HECW1: variants seen among roughly 807,000 people sequenced by gnomAD.
HECW1 encodes the protein HECT, C2 and WW domain containing E3 ubiquitin protein ligase 1, also known as E3 ubiquitin-protein ligase HECW1.
Under a neutral mutation model 182.3 loss-of-function variants are expected in HECW1, and 61 were observed. The ratio of observed to expected loss-of-function variants is 0.33; its 90% CI spans 0.27 to 0.41. The LOEUF is 0.41. Among genes scored for constraint, HECW1 ranks in the 10% least tolerant of loss-of-function variants. The pLI, the probability that HECW1 is intolerant of heterozygous loss-of-function variation, is 1.00. For synonymous variants in HECW1, 859 were observed against 832.6 expected (o/e 1.03, Z -0.55); for missense variants, 1,739 against 2,108.9 (o/e 0.82, Z 3.44).
At chr7:43,507,925 G>A (rs2079656428) in intron 22 of HECW1, 93 bp from the exon 23 acceptor site, 1 of 798,584 alleles carries the variant, frequency 1.3e-6, no homozygotes, top group Non-Finnish European at 2.1e-6. Context: ...AGGCTGGGGA[G>A]TGAGAACCTA....
rs1384987656 is a variant in HECW1, at chr7:43,138,571, GCA to G, written c.-32+24183_-32+24184del. 1.1e-4 allele frequency among the ~76,000 whole-genome samples: 16 copies of G among 152,248 alleles called. No homozygotes were observed. The East Asian group carries it at 2.9e-3, about 28-fold the overall frequency. On this transcript the variant is annotated intron_variant, in intron 2 of 29. Transcript: ENST00000395891. ...TTTCTGTCTGGATATGTACTTGTCT[GCA>G]CAGTCTATTTACCACCCCTATAGAA...
Position 43,470,909 on chromosome 7 carries a change from A to T in HECW1, c.3099+1804A>T, listed in dbSNP as rs556361190. 2.0e-5 allele frequency among the ~76,000 whole-genome samples: 3 copies of T among 152,332 alleles called. No individual in the cohort carries two copies. The East Asian group carries it at 5.8e-4, about 29-fold the overall frequency. On this transcript the variant is annotated intron_variant, in intron 16 of 29. Transcript: ENST00000395891. The stretch of plus-strand genomic sequence containing the variant: ...ACCACAGTCCATAGGGTGGTCAGAG[A>T]GGAACAAAGGAGGATAGTGGGAAAA...
chr7:43,248,691 TCCTTTTCC>T (rs1562731781), intron 3 of HECW1: 1 of 77,904 alleles, frequency 1.3e-5, no homozygotes, highest in Non-Finnish European at 2.6e-5. Context: ...CTCCTCCTCC[TCCTTTTCC>T]TCCTCCTCCT....
chr7:43,202,482 T>A lies in HECW1; in HGVS notation c.-31-41393T>A, dbSNP rs569656911. On this transcript the variant is annotated intron_variant, in intron 2 of 29. Transcript: ENST00000395891. Reference sequence around the variant, plus strand: ...CATAAAATTTTTCTCCTTGCCTTTTTTTTTTTTTTGAAACAGAATCTCACT... The same window carrying A: ...CATAAAATTTTTCTCCTTGCCTTTTATTTTTTTTTGAAACAGAATCTCACT... Among the ~76,000 whole-genome samples, 5 of 152,082 alleles carry A rather than the reference T, an allele frequency of 3.3e-5. No individual in the cohort carries two copies. In the South Asian group the frequency reaches 1.0e-3, roughly 32 times the overall value.
Position 43,351,571 on chromosome 7 carries a change from G to A in HECW1, c.461-9315G>A, listed in dbSNP as rs138073170. On this transcript the variant is annotated intron_variant, in intron 5 of 29. Transcript: ENST00000395891. The stretch of plus-strand genomic sequence containing the variant: ...GTGGGGGATGGGGGTGAGATTCCCA[G>A]GAGTGACATCTACTTGTTATGGAAC... Among the ~76,000 whole-genome samples, 587 of 152,148 alleles carry A rather than the reference G, an allele frequency of 3.9e-3. 6 individuals are homozygous for A. The highest frequency in any genetic ancestry group is 0.031 in the Admixed American group (469 of 15,272).
At chr7:43,328,135 A>G (rs1811030661) in intron 5 of HECW1, among the ~76,000 whole-genome samples, 1 of 151,824 alleles carries the variant, frequency 6.6e-6, no homozygotes, top group African/African-American at 2.4e-5. Context: ...CTGGGCAACA[A>G]AGTGAGACCT....
At chr7:43,196,437 A>G (rs559555324) in intron 2 of HECW1, among the ~76,000 whole-genome samples, 69 of 152,284 alleles carry the variant, frequency 4.5e-4, no homozygotes, top group African/African-American at 1.6e-3. Flanking sequence ...ATTGCATTCA[A>G]TTGTTCCGTT....
At chr7:43,469,166 G>T in intron 16 of HECW1, 61 bp downstream of exon 16, 1 of 1,539,310 alleles carries the variant, frequency 6.5e-7, no homozygotes. Flanking sequence ...GGTGAAGCTA[G>T]CAAGGGCGTG....
chr7:43,514,473 G>A (rs888183988), intron 24 of HECW1, among the ~76,000 whole-genome samples: 3 of 151,950 alleles, frequency 2.0e-5, no homozygotes, highest in Non-Finnish European at 2.9e-5. Context: ...ATTTTTAGTA[G>A]AGACGGGGTT....
At chr7:43,392,102 T>G (rs958720325) in intron 6 of HECW1, among the ~76,000 whole-genome samples, 2 of 152,190 alleles carry the variant, frequency 1.3e-5, no homozygotes, top group Non-Finnish European at 2.9e-5. Context: ...TAGGTTCCAT[T>G]ATTATTATGG....
chr7:43,128,501 T>C (rs1257360094), intron 2 of HECW1, among the ~76,000 whole-genome samples: 1 of 152,204 alleles, frequency 6.6e-6, no homozygotes, highest in Non-Finnish European at 1.5e-5. Flanking sequence ...AAAGATTCCA[T>C]TCAAAATATT....
intron 28 of HECW1, among the ~76,000 whole-genome samples, chr7:43,552,620 A>G (rs1174187637): frequency 6.6e-6 from 1 of 152,184 alleles, no homozygotes; most frequent in African/African-American, 2.4e-5. Flanking sequence ...TTCTGTCTCA[A>G]TGGATTTGCC....
intron 2 of HECW1, among the ~76,000 whole-genome samples, chr7:43,199,823 A>G (rs951075461): frequency 2.6e-5 from 4 of 152,172 alleles, no homozygotes; most frequent in Admixed American, 2.6e-4. Context: ...ATTTCCTGTT[A>G]AAATGAGACA....
chr7:43,560,151 G>A (rs186423078), intron 29 of HECW1, among the ~76,000 whole-genome samples: 20 of 152,176 alleles, frequency 1.3e-4, no homozygotes, highest in South Asian at 1.2e-3. Flanking sequence ...ACCCCACTTC[G>A]CCTGTTTAGC....
At chr7:43,291,463 G>A (rs190887307) in intron 3 of HECW1, among the ~76,000 whole-genome samples, 2 of 152,346 alleles carry the variant, frequency 1.3e-5, no homozygotes, top group Admixed American at 1.3e-4. Flanking sequence ...GTTCCTGTGA[G>A]CATGTCCTGC....
In HECW1 at chr7:43,310,252, T is replaced by C. The variant is rs547449436; in HGVS notation, c.28-1511T>C. On this transcript the variant is annotated intron_variant, in intron 3 of 29. Transcript: ENST00000395891. ...GCTGTCAGTTTACTGAGATCCTCCC[T>C]GAACTGCCCAGAATAGCCATGGTGC... 2.0e-5 allele frequency among the ~76,000 whole-genome samples: 3 copies of C among 152,278 alleles called. No homozygotes were observed. In the East Asian group the frequency reaches 5.8e-4, roughly 29 times the overall value.
chr7:43,393,260 C>G (rs1279620974), intron 6 of HECW1, among the ~76,000 whole-genome samples: 1 of 152,144 alleles, frequency 6.6e-6, no homozygotes, highest in Non-Finnish European at 1.5e-5. Context: ...GCAAAGGGAG[C>G]TTGTCAGCCC....
intron 11 of HECW1, among the ~76,000 whole-genome samples, chr7:43,448,580 C>T (rs527722694): frequency 1.3e-5 from 2 of 152,298 alleles, no homozygotes; most frequent in Admixed American, 1.3e-4. Context: ...AAGCACTCTG[C>T]TTCCCACCAA....
intron 2 of HECW1, among the ~76,000 whole-genome samples, chr7:43,173,327 G>T (rs1423507106): frequency 6.6e-6 from 1 of 152,126 alleles, no homozygotes; most frequent in Non-Finnish European, 1.5e-5. Flanking sequence ...TTTCCTTGGG[G>T]CCAGTCAATA....
Sources: allele counts gnomAD v4.1 joint callset (sites outside exome capture counted in the v4.1 genomes callset), GRCh38; gene constraint gnomAD v4.1.1; transcripts MANE v1.5; gene names NCBI Gene and HGNC (gene_info 2026-07-23, HGNC 2026-07-21).